The following SLC6A16 variants were observed in gnomAD, a reference collection of about 807,000 sequenced individuals.
SLC6A16 encodes the protein orphan sodium- and chloride-dependent neurotransmitter transporter NTT5.
SLC6A16 carries 54 observed loss-of-function variants against 65.4 expected under a neutral mutation model. That is an observed-to-expected ratio of 0.83 (90% CI 0.66 to 1.04). SLC6A16 has a LOEUF of 1.04. Ranked by LOEUF, SLC6A16 falls within the 50% of genes least tolerant of loss-of-function variation. The pLI, the probability that SLC6A16 is intolerant of heterozygous loss-of-function variation, is 0.00. For missense variants in SLC6A16, 816 were observed against 914.0 expected (o/e 0.89, Z 1.38); for synonymous variants, 330 against 346.5 (o/e 0.95, Z 0.53).
rs1454162782 is a variant in SLC6A16, at chr19:49,292,467, C to G, written c.1778+756G>C. On this transcript the variant is annotated intron_variant, in intron 10 of 11. Coordinates refer to ENST00000335875, the MANE Select transcript of SLC6A16 (RefSeq NM_014037.3). This position sits in a 1 kb window ranked among gnomAD's most constrained non-coding sequence, Gnocchi z 4.3. ...GTTCTCCAGACAGCAGCCATAAATA[C>G]CTTTTTAAAAAACAAATCTAATAAT... is the stretch of plus-strand genomic sequence containing the variant. 6.6e-6 allele frequency among the ~76,000 whole-genome samples: 1 copy of G among 152,206 alleles called. No homozygotes were observed. Among genetic ancestry groups the G allele is most frequent in the African/African-American group, 2.4e-5 (1 of 41,464 alleles).
upstream of SLC6A16, among the ~76,000 whole-genome samples, chr19:49,326,816 C>T (rs970664685): frequency 2.0e-5 from 3 of 151,930 alleles, no homozygotes; most frequent in African/African-American, 7.3e-5. Flanking sequence ...GCCAGGAGTT[C>T]AAGACCAGCC....
intron 1 of SLC6A16, among the ~76,000 whole-genome samples, chr19:49,316,840 T>C (rs1970619972): frequency 7.0e-6 from 1 of 142,116 alleles, no homozygotes; most frequent in Non-Finnish European, 1.5e-5. Context: ...GACAATGCAG[T>C]GAAAACCCAT....
intron 2 of SLC6A16, 139 bp from the exon 3 acceptor site, chr19:49,310,649 C>A: frequency 1.1e-6 from 1 of 913,902 alleles, no homozygotes. Context: ...TGTCTACATC[C>A]CTCACGGTCC....
the SLC6A16 span, chr19:49,337,973 G>C: frequency 1.7e-5 from 28 of 1,613,942 alleles, no homozygotes; most frequent in South Asian, 2.2e-5. Context: ...CCAAAAGTAC[G>C]GCACCAACCC....
At chr19:49,330,779 T>C in the SLC6A16 span, among the ~76,000 whole-genome samples, 23 of 151,910 alleles carry the variant, frequency 1.5e-4, no homozygotes, top group Non-Finnish European at 2.9e-4. Flanking sequence ...CTGTCTCTAC[T>C]AAAAATACAA....
chr19:49,336,763 C>T, the SLC6A16 span: 5 of 738,276 alleles, frequency 6.8e-6, no homozygotes, highest in South Asian at 7.5e-5. Flanking sequence ...CAGAAGGAAA[C>T]AGGGACTCAG....
intron 1 of SLC6A16, among the ~76,000 whole-genome samples, chr19:49,320,708 G>T (rs1288665415): frequency 6.6e-6 from 1 of 152,106 alleles, no homozygotes; most frequent in African/African-American, 2.4e-5. Context: ...GAAATAGAAG[G>T]ATTATAAGAG....
intron 7 of SLC6A16, among the ~76,000 whole-genome samples, chr19:49,306,384 A>G (rs111606340): frequency 0.017 from 2,608 of 152,224 alleles, 33 homozygotes; most frequent in Non-Finnish European, 0.026. Flanking sequence ...AGAAAAAGAA[A>G]GCACAAAAGT....
chr19:49,301,416 G>A (rs1215599634), intron 7 of SLC6A16, among the ~76,000 whole-genome samples: 3 of 152,198 alleles, frequency 2.0e-5, no homozygotes, highest in Non-Finnish European at 4.4e-5. Flanking sequence ...CAGGCTGTCA[G>A]TATCAGCCAT....
the SLC6A16 span, chr19:49,339,077 A>G: frequency 6.7e-6 from 5 of 747,604 alleles, no homozygotes; most frequent in South Asian, 1.7e-5. The surrounding 1 kb of genome is among the most constrained non-coding windows in gnomAD (Gnocchi z 4.5). Context: ...GGGCCCTCTG[A>G]AGGGGGCGGG....
the SLC6A16 span, chr19:49,336,663 G>A: frequency 1.3e-5 from 6 of 475,884 alleles, no homozygotes; most frequent in Admixed American, 7.2e-5. Flanking sequence ...TACTGGGGAC[G>A]AGGAGGAGCT....
In SLC6A16 at chr19:49,309,915, C is replaced by T. The variant is rs1314324828; in HGVS notation, c.701-89G>A. 8 of 1,528,154 alleles carry T rather than the reference C, an allele frequency of 5.2e-6. No individual in the cohort carries two copies. In the Admixed American group the frequency reaches 5.4e-5, roughly 10 times the overall value. The allele number at this position is 1,528,154 out of a possible 1,614,324, so 94.7% of individuals were successfully genotyped here. On this transcript the variant is annotated intron_variant, in intron 4 of 11. Transcript: ENST00000335875. ...TCCCCCACCTCCCTTTTCTCTTTCCCTCTCCCATTTCTTTTTCCTTCTTCT... is the reference window on the plus strand; with the variant it reads ...TCCCCCACCTCCCTTTTCTCTTTCCTTCTCCCATTTCTTTTTCCTTCTTCT...
At chr19:49,325,888 G>C (rs1420429855), upstream of SLC6A16, among the ~76,000 whole-genome samples, 3 of 152,048 alleles carry the variant, frequency 2.0e-5, no homozygotes, top group African/African-American at 4.8e-5. Context: ...TTGGCGCTGG[G>C]CGCGGTGGCT....
upstream of SLC6A16, among the ~76,000 whole-genome samples, chr19:49,325,533 A>G (rs1256963782): frequency 1.3e-5 from 2 of 152,214 alleles, no homozygotes; most frequent in Admixed American, 6.5e-5. Flanking sequence ...AACCTTTCGC[A>G]TTTACTTAAA....
Position 49,308,866 on chromosome 19 carries a change from C to T in SLC6A16, c.1229+10G>A, listed in dbSNP as rs186859566. 2.8e-4 allele frequency: 447 copies of T among 1,613,906 alleles called. 3 individuals are homozygous for T. In the East Asian group the frequency reaches 9.0e-3, roughly 32 times the overall value. Reference sequence around the variant, plus strand: ...GGAGCTGAGACCCTTAACAAAGGGGCCGGCCTTACCTCTCACAGCAGCGAT... The same window carrying T: ...GGAGCTGAGACCCTTAACAAAGGGGTCGGCCTTACCTCTCACAGCAGCGAT... On this transcript the variant is annotated intron_variant, in intron 7 of 11. Coordinates refer to ENST00000335875, the MANE Select transcript of SLC6A16 (RefSeq NM_014037.3).
upstream of SLC6A16, chr19:49,325,331 T>G (rs935309761): frequency 2.6e-6 from 2 of 760,070 alleles, no homozygotes; most frequent in Non-Finnish European, 3.2e-6. Flanking sequence ...CACGCACGTG[T>G]GCACATCCTC....
At chr19:49,310,214 A>G (rs1439509203) in intron 3 of SLC6A16, 48 bp from the exon 4 acceptor site, 11 of 1,611,846 alleles carry the variant, frequency 6.8e-6, no homozygotes, top group Admixed American at 1.7e-5. Context: ...AGGGACAGGA[A>G]AAGGGAGGGG....
intron 1 of SLC6A16, among the ~76,000 whole-genome samples, chr19:49,323,553 C>CT (rs1970750338): frequency 6.6e-6 from 1 of 152,126 alleles, no homozygotes; most frequent in African/African-American, 2.4e-5. Context: ...GGGCAAAAGA[C>CT]TTAAATAGAC....
intron 1 of SLC6A16, among the ~76,000 whole-genome samples, chr19:49,320,497 C>A (rs1319178826): frequency 6.7e-6 from 1 of 149,228 alleles, no homozygotes; most frequent in African/African-American, 2.5e-5. Context: ...GCAAACTAAA[C>A]CCAAAGCTAG....
Sources: allele counts gnomAD v4.1 joint callset (sites outside exome capture counted in the v4.1 genomes callset), GRCh38; gene constraint gnomAD v4.1.1; non-coding constraint Gnocchi (gnomAD v3.1); transcripts MANE v1.5; gene names NCBI Gene and HGNC (gene_info 2026-07-23, HGNC 2026-07-21).